The following COMMD10 variants were observed in gnomAD, a reference collection of about 807,000 sequenced individuals.
COMMD10 encodes COMM domain-containing protein 10.
Under a neutral mutation model 28.9 loss-of-function variants are expected in COMMD10, and 33 were observed. The ratio of observed to expected loss-of-function variants is 1.14; its 90% confidence interval spans 0.87 to 1.53. COMMD10 has a LOEUF of 1.53. Among genes scored for constraint, COMMD10 ranks in the 40% most tolerant of loss-of-function variants. The pLI is 0.00. For missense variants in COMMD10, 310 were observed against 233.4 expected (o/e 1.33, Z -2.14); for synonymous variants, 110 against 81.7 (o/e 1.35, Z -1.87).
intron 5 of COMMD10, among the ~76,000 whole-genome samples, chr5:116,149,125 G>T (rs200169744): frequency 6.7e-6 from 1 of 149,262 alleles, no homozygotes; most frequent in African/African-American, 2.5e-5. Context: ...TTGTTCTTGC[G>T]ATAGTTTACT....
intron 1 of COMMD10, 73 bp from the exon 2 acceptor site, chr5:116,087,424 T>TGTC: frequency 1.1e-6 from 1 of 892,288 alleles, no homozygotes; most frequent in Non-Finnish European, 1.9e-6. Context: ...AATGAAAACT[T>TGTC]ATAGACAACT....
intron 4 of COMMD10, among the ~76,000 whole-genome samples, chr5:116,094,153 C>A (rs901687726): frequency 2.0e-5 from 3 of 152,098 alleles, no homozygotes; most frequent in Non-Finnish European, 2.9e-5. Flanking sequence ...GGACAAAAAA[C>A]CCCAAAATAG....
chr5:116,194,906 A>G (rs1194941618), intron 5 of COMMD10, among the ~76,000 whole-genome samples: 1 of 152,184 alleles, frequency 6.6e-6, no homozygotes, highest in Non-Finnish European at 1.5e-5. Context: ...CATAGATGCT[A>G]AAATCCTTAA....
intron 5 of COMMD10, among the ~76,000 whole-genome samples, chr5:116,254,207 G>GC: frequency 6.6e-6 from 1 of 151,618 alleles, no homozygotes; most frequent in East Asian, 1.9e-4. Context: ...TATCATTCTT[G>GC]CTAGCGGTCT....
chr5:116,289,393 G>T (rs1294269341), intron 5 of COMMD10, among the ~76,000 whole-genome samples: 5 of 151,780 alleles, frequency 3.3e-5, no homozygotes, highest in African/African-American at 9.7e-5. Flanking sequence ...CTGGCTTTGT[G>T]CAGGGGAAGA....
intron 5 of COMMD10, among the ~76,000 whole-genome samples, chr5:116,160,309 G>T (rs1316400222): frequency 1.3e-5 from 2 of 152,142 alleles, no homozygotes; most frequent in African/African-American, 4.8e-5. Context: ...AATTTACTCT[G>T]AAAATTTAGC....
intron 4 of COMMD10, among the ~76,000 whole-genome samples, chr5:116,129,802 A>G (rs1311650501): frequency 1.4e-5 from 2 of 144,932 alleles, no homozygotes; most frequent in East Asian, 4.0e-4. Context: ...TATATACTAT[A>G]TAATATATAT....
At chr5:116,088,962 T>C (rs1186528621) in intron 2 of COMMD10, among the ~76,000 whole-genome samples, 2 of 152,238 alleles carry the variant, frequency 1.3e-5, no homozygotes, top group Non-Finnish European at 2.9e-5. Context: ...CTAGTATAGT[T>C]GGCACTCAGT....
intron 5 of COMMD10, among the ~76,000 whole-genome samples, chr5:116,180,235 A>G (rs1747910435): frequency 6.6e-6 from 1 of 152,146 alleles, no homozygotes; most frequent in South Asian, 2.1e-4. Context: ...GAATGGAATA[A>G]TACGTACATT....
intron 5 of COMMD10, among the ~76,000 whole-genome samples, chr5:116,161,837 A>G (rs1330089970): frequency 6.6e-6 from 1 of 152,134 alleles, no homozygotes; most frequent in East Asian, 1.9e-4. Context: ...TGCACTTCAT[A>G]TAACTTTTAT....
At chr5:116,136,353 C>G (rs1224375799) in intron 5 of COMMD10, among the ~76,000 whole-genome samples, 2 of 152,170 alleles carry the variant, frequency 1.3e-5, no homozygotes, top group African/African-American at 2.4e-5. Context: ...AGTGAAAATA[C>G]ATACATACAT....
intron 5 of COMMD10, among the ~76,000 whole-genome samples, chr5:116,263,987 G>T (rs1045113979): frequency 4.0e-5 from 6 of 151,698 alleles, no homozygotes; most frequent in Admixed American, 3.9e-4. Context: ...TCTTTTCGTC[G>T]ACAGAGCAAA....
intron 5 of COMMD10, among the ~76,000 whole-genome samples, chr5:116,256,009 T>G (rs1484457447): frequency 2.6e-5 from 4 of 151,630 alleles, no homozygotes; most frequent in Admixed American, 6.6e-5. Context: ...TATTGAGCTA[T>G]TTTCGTATTC....
intron 5 of COMMD10, among the ~76,000 whole-genome samples, chr5:116,269,363 C>T (rs909499337): frequency 2.0e-5 from 3 of 151,838 alleles, no homozygotes; most frequent in African/African-American, 7.3e-5. Context: ...CCTGTGATTT[C>T]CTGCCCCAAT....
intron 5 of COMMD10, among the ~76,000 whole-genome samples, chr5:116,270,520 A>AATGTTAGCAAAT (rs1398684490): frequency 3.9e-5 from 6 of 152,022 alleles, no homozygotes; most frequent in Admixed American, 2.0e-4. Context: ...GATGAAAAGG[A>AATGTTAGCAAAT]ATGTTAGCAA....
intron 4 of COMMD10, among the ~76,000 whole-genome samples, chr5:116,113,134 T>G (rs903089284): frequency 1.3e-5 from 2 of 152,216 alleles, no homozygotes; most frequent in African/African-American, 4.8e-5. Context: ...ACACTTTGAT[T>G]ATGTCGTCAC....
intron 5 of COMMD10, among the ~76,000 whole-genome samples, chr5:116,155,926 C>G (rs1580498733): frequency 1.3e-5 from 2 of 152,058 alleles, no homozygotes; most frequent in Non-Finnish European, 2.9e-5. Flanking sequence ...AGTCAATTAT[C>G]TTAACAAATT....
chr5:116,293,030 A>G lies in COMMD10; in HGVS notation c.*541A>G, dbSNP rs1751413234. 5.0e-6 allele frequency: 2 copies of G among 397,298 alleles called. No homozygotes were observed. The highest frequency in any genetic ancestry group is 1.3e-4 in the South Asian group (1 of 7,860). 24.6% of individuals were successfully genotyped at this position (397,298 alleles called of 1,614,324 possible). On this transcript the variant is annotated 3_prime_UTR_variant, in exon 7 of 7. Coordinates refer to ENST00000274458, the MANE Select transcript of COMMD10 (RefSeq NM_016144.4). ...ATAGTGAGTAGTATGGTATCAGTTAATTCCAGTCTGAGCTTCTCTGTCAAC... is the reference window on the plus strand; with the variant it reads ...ATAGTGAGTAGTATGGTATCAGTTAGTTCCAGTCTGAGCTTCTCTGTCAAC...
At chr5:116,280,276 G>C (rs189879773) in intron 5 of COMMD10, among the ~76,000 whole-genome samples, 1 of 151,916 alleles carries the variant, frequency 6.6e-6, no homozygotes, top group Non-Finnish European at 1.5e-5. Flanking sequence ...TAGCCAGGCT[G>C]CCTCACAGAA....
Sources: allele counts gnomAD v4.1 joint callset (sites outside exome capture counted in the v4.1 genomes callset), GRCh38; gene constraint gnomAD v4.1.1; transcripts MANE v1.5; gene names NCBI Gene and HGNC (gene_info 2026-07-23, HGNC 2026-07-21).